OLFM1: variants seen among roughly 807,000 people sequenced by gnomAD.
OLFM1 encodes the protein olfactomedin 1.
OLFM1 carries 9 observed loss-of-function variants against 49.7 expected under a neutral mutation model. That is an observed-to-expected ratio of 0.18 (90% CI 0.11 to 0.32). The LOEUF (loss-of-function observed/expected upper bound fraction) is 0.32, where lower values mean the gene tolerates loss of function less well. Ranked by LOEUF, OLFM1 falls within the 10% of genes least tolerant of loss-of-function variation. The pLI is 1.00. For synonymous variants in OLFM1, 240 were observed against 271.8 expected, an observed-to-expected ratio of 0.88 and a Z score of 1.15; for missense variants, 369 against 661.8, an observed-to-expected ratio of 0.56 and a Z score of 4.85.
At chr9:135,109,108 C>A (rs1033615588) in intron 5 of OLFM1, among the ~76,000 whole-genome samples, 1 of 152,172 alleles carries the variant, frequency 6.6e-6, no homozygotes, top group Non-Finnish European at 1.5e-5. Context: ...TCTAACACCC[C>A]CCAGGACTGG....
rs1204683427 is a variant in OLFM1, at chr9:135,080,519, G to C, written c.96+4717G>C. 6.6e-6 allele frequency among the ~76,000 whole-genome samples: 1 copy of C among 152,126 alleles called. No individual in the cohort carries two copies. Among genetic ancestry groups the C allele is most frequent in the Non-Finnish European group, 1.5e-5 (1 of 68,022 alleles). On this transcript the variant is annotated intron_variant, in intron 1 of 5. Coordinates refer to the OLFM1 transcript ENST00000252854. This position sits in a 1 kb window ranked among gnomAD's most constrained non-coding sequence, Gnocchi z 4.5. ...TTCCCATTCCCGGGCTGCCTCCCCT[G>C]GTGGAGAGGCTCCTGACACCAGGGG...
chr9:135,117,567 G>C lies in OLFM1; in HGVS notation c.784-1937G>C, dbSNP rs532764864. Among the ~76,000 whole-genome samples the C allele has an allele frequency of 6.6e-6, 1 of 152,208 alleles. No homozygotes were observed. The highest frequency in any genetic ancestry group is 1.5e-5 in the Non-Finnish European group (1 of 68,050). ...CCTGGGGCTGTGAGCATTTGCCCTC[G>C]GCTAGGCCAGGTGGCTGTGCCCCTT... On this transcript the variant is annotated intron_variant, in intron 5 of 5. Coordinates refer to ENST00000371793, the MANE Select transcript of OLFM1 (RefSeq NM_001282611.2). The surrounding 1 kb of genome is among the most constrained non-coding windows in gnomAD (Gnocchi z 5.5).
Position 135,098,490 on chromosome 9 carries a change from T to C in OLFM1, c.661T>C (p.Cys221Arg). The change falls in exon 4 of 6, where the codon TGC (cysteine) becomes CGC (arginine). Residue 221 changes from cysteine (C) to arginine (R), a missense_variant. Transcript: ENST00000371793. This position sits in a 1 kb window ranked among gnomAD's most constrained non-coding sequence, Gnocchi z 5.6. ...VSNLEERLRA[C>R]MQKLACGKLT... ...CAATCTTGAAGAAAGGCTCCGTGCA[T>C]GCATGCAAAAACTAGGTAGGCCCAG... 1 of 1,613,622 alleles carries C rather than the reference T, an allele frequency of 6.2e-7. No individual in the cohort carries two copies. The highest frequency in any genetic ancestry group is 8.5e-7 in the Non-Finnish European group (1 of 1,179,992).
At chr9:135,103,022 G>A (rs1053572204) in intron 4 of OLFM1, among the ~76,000 whole-genome samples, 5 of 152,306 alleles carry the variant, frequency 3.3e-5, no homozygotes, top group Admixed American at 2.0e-4. Flanking sequence ...CCAGGCTCCC[G>A]GCCTTGCACA....
upstream of OLFM1, chr9:135,087,317 C>A (rs919212717): frequency 7.8e-6 from 12 of 1,529,290 alleles, no homozygotes; most frequent in Middle Eastern, 7.8e-4. Context: ...CTGCCGGCAA[C>A]CTTTGCCCCA....
rs1564268584 is a variant in OLFM1 at position 135,088,090 on chromosome 9, C to G, written c.101C>G (p.Thr34Ser). Residue 34 changes from threonine (T) to serine (S), a missense_variant, in exon 1 of 6, where the codon ACC (threonine) becomes AGC (serine). Coordinates refer to ENST00000371793, the MANE Select transcript of OLFM1 (RefSeq NM_001282611.2). The surrounding 1 kb of genome is among the most constrained non-coding windows in gnomAD (Gnocchi z 4.8). ...QTLPSLVGLN[T>S]TKLSAAGGGT... ...CTGCCCTCGCTGGTGGGCCTCAACA[C>G]CACCAAGCTCTCGGCGGCCGGCGGC... is the stretch of plus-strand genomic sequence containing the variant. The G allele has an allele frequency of 7.0e-7, 1 of 1,428,280 alleles. No individual in the cohort carries two copies. The highest frequency in any genetic ancestry group is 2.3e-5 in the Admixed American group (1 of 42,652). The allele number at this position is 1,428,280 out of a possible 1,614,324, so 88.5% of individuals were successfully genotyped here.
At chr9:135,111,122 G>T (rs1187700445) in intron 5 of OLFM1, among the ~76,000 whole-genome samples, 1 of 152,258 alleles carries the variant, frequency 6.6e-6, no homozygotes, top group African/African-American at 2.4e-5. Context: ...ATGCGGTGCA[G>T]AGGTTCAGAC....
chr9:135,095,584 G>A (rs1481023719), intron 2 of OLFM1, among the ~76,000 whole-genome samples: 1 of 151,042 alleles, frequency 6.6e-6, no homozygotes, highest in Admixed American at 6.6e-5. Flanking sequence ...GAGCTACAGC[G>A]AATAACGGAA....
upstream of OLFM1, among the ~76,000 whole-genome samples, chr9:135,082,704 C>G (rs1830547937): frequency 6.6e-6 from 1 of 152,188 alleles, no homozygotes; most frequent in Non-Finnish European, 1.5e-5. Flanking sequence ...CAGACTGAGT[C>G]AGCTCTGAGT....
At chr9:135,118,025 T>C (rs2119145726) in intron 5 of OLFM1, among the ~76,000 whole-genome samples, 1 of 152,378 alleles carries the variant, frequency 6.6e-6, no homozygotes, top group Non-Finnish European at 1.5e-5. Flanking sequence ...TTGTGACTAC[T>C]CTTTCCTGGC....
At chr9:135,075,649 G>C in exon 1 of OLFM1, 1 of 1,318,024 alleles carries the variant, frequency 7.6e-7, no homozygotes, top group South Asian at 1.4e-5. Flanking sequence ...GCCGGGGCCA[G>C]AGCCGGAGCG....
chr9:135,091,237 C>T (rs907881431), intron 2 of OLFM1, among the ~76,000 whole-genome samples: 2 of 152,232 alleles, frequency 1.3e-5, no homozygotes, highest in South Asian at 4.1e-4. Flanking sequence ...CCCAAGGACC[C>T]CGTATTCTGT....
upstream of OLFM1, chr9:135,086,714 C>T: frequency 4.4e-6 from 2 of 455,942 alleles, no homozygotes; most frequent in Non-Finnish European, 8.8e-6. Flanking sequence ...TCAGGTGGGA[C>T]TGACACGCGT....
At chr9:135,099,628 T>A (rs1303902881) in intron 4 of OLFM1, among the ~76,000 whole-genome samples, 1 of 152,222 alleles carries the variant, frequency 6.6e-6, no homozygotes, top group East Asian at 1.9e-4. Flanking sequence ...CGCACAAAGC[T>A]TTAAATTCCC....
At chr9:135,090,425 C>A in intron 2 of OLFM1, 81 bp downstream of exon 2, 1 of 1,411,864 alleles carries the variant, frequency 7.1e-7, no homozygotes, top group Non-Finnish European at 9.6e-7. Flanking sequence ...TGTGTGCTCA[C>A]ACCAGCACCA....
intron 4 of OLFM1, among the ~76,000 whole-genome samples, chr9:135,100,287 CG>C (rs967200799): frequency 2.6e-5 from 4 of 152,186 alleles, no homozygotes; most frequent in African/African-American, 9.7e-5. Context: ...CCACCCCTCC[CG>C]GATGAGCTGG....
chr9:135,077,726 A>G (rs1035155991), intron 1 of OLFM1, among the ~76,000 whole-genome samples: 2 of 151,904 alleles, frequency 1.3e-5, no homozygotes, highest in African/African-American at 4.8e-5. Context: ...GTGTCCCTTG[A>G]CTCAGCCAGG....
intron 1 of OLFM1, among the ~76,000 whole-genome samples, chr9:135,082,651 G>A (rs1157309991): frequency 1.3e-5 from 2 of 152,136 alleles, no homozygotes; most frequent in African/African-American, 2.4e-5. Flanking sequence ...ACAGGTTTCC[G>A]TTCCCAGGCC....
intron 1 of OLFM1, chr9:135,077,105 G>A (rs56222438): frequency 0.14 from 223,727 of 1,550,264 alleles, 17,586 homozygotes; most frequent in Middle Eastern, 0.2. Flanking sequence ...CCTGGTGGAG[G>A]GTGGTGGTTG....
Sources: gnomAD v4.1 joint callset for allele counts (sites outside exome capture counted in the v4.1 genomes callset) on GRCh38, gnomAD v4.1.1 for gene constraint, Gnocchi (gnomAD v3.1) non-coding constraint, MANE v1.5 for transcripts, NCBI Gene and HGNC (gene_info 2026-07-23, HGNC 2026-07-21) for gene names.